KCNH7: variants seen among roughly 807,000 people sequenced by gnomAD.
KCNH7 encodes voltage-gated inwardly rectifying potassium channel KCNH7.
KCNH7 carries 49 observed loss-of-function variants against 120.8 expected under a neutral mutation model. The ratio of observed to expected loss-of-function variants is 0.41; its 90% CI spans 0.32 to 0.51. The LOEUF (loss-of-function observed/expected upper bound fraction) is 0.51. Ranked by LOEUF, KCNH7 falls within the 20% of genes least tolerant of loss-of-function variation. The pLI, the probability that KCNH7 is intolerant of heterozygous loss-of-function variation, is 0.38. For synonymous variants in KCNH7, 547 were observed against 516.1 expected (o/e 1.06, Z -0.81); for missense variants, 1,097 against 1,446.6 (o/e 0.76, Z 3.92).
chr2:162,605,638 C>T (rs1200371042), intron 2 of KCNH7, among the ~76,000 whole-genome samples: 1 of 152,090 alleles, frequency 6.6e-6, no homozygotes, highest in Admixed American at 6.6e-5. Flanking sequence ...GTTTTGATTT[C>T]TAGATGCCTG....
chr2:162,625,755 T>C (rs1683532024), intron 2 of KCNH7, among the ~76,000 whole-genome samples: 1 of 152,002 alleles, frequency 6.6e-6, no homozygotes, highest in Non-Finnish European at 1.5e-5. Context: ...ATAATTTACA[T>C]TGGAAAGGTA....
At chr2:162,455,526 T>C (rs749378907) in intron 6 of KCNH7, among the ~76,000 whole-genome samples, 6 of 152,176 alleles carry the variant, frequency 3.9e-5, no homozygotes, top group Non-Finnish European at 7.4e-5. Context: ...CAGCTCCTCT[T>C]TGTACCTCTG....
At chr2:162,530,869 G>A (rs1691899083) in intron 3 of KCNH7, among the ~76,000 whole-genome samples, 1 of 151,908 alleles carries the variant, frequency 6.6e-6, no homozygotes, top group Admixed American at 6.6e-5. Flanking sequence ...AGTCGAAATT[G>A]AGTAGTATCA....
chr2:162,739,077 G>T (rs1227170922), intron 2 of KCNH7, among the ~76,000 whole-genome samples: 1 of 152,054 alleles, frequency 6.6e-6, no homozygotes, highest in Non-Finnish European at 1.5e-5. Flanking sequence ...TGTCATTCAG[G>T]CCCTTCTGAA....
chr2:162,504,816 T>C (rs143145281), intron 5 of KCNH7, among the ~76,000 whole-genome samples, 159 bp from the exon 6 acceptor site: 23 of 152,080 alleles, frequency 1.5e-4, no homozygotes, highest in African/African-American at 4.8e-4. Flanking sequence ...TAGGGTCACC[T>C]TGGGCCACAT....
At chr2:162,618,024 C>T (rs1574176495) in intron 2 of KCNH7, among the ~76,000 whole-genome samples, 1 of 151,486 alleles carries the variant, frequency 6.6e-6, no homozygotes. Flanking sequence ...ATAATTAATA[C>T]AAAATTACAG....
chr2:162,631,443 A>G (rs910823424), intron 2 of KCNH7, among the ~76,000 whole-genome samples: 2 of 152,090 alleles, frequency 1.3e-5, no homozygotes, highest in Non-Finnish European at 2.9e-5. Flanking sequence ...ATGTATCTGA[A>G]CTGTTTCTTA....
At chr2:162,822,496 G>C (rs578182568) in intron 2 of KCNH7, among the ~76,000 whole-genome samples, 1 of 152,230 alleles carries the variant, frequency 6.6e-6, no homozygotes, top group Non-Finnish European at 1.5e-5. Context: ...TTTGGACCTA[G>C]GCAACATGAC....
chr2:162,690,192 A>G (rs1292802004), intron 2 of KCNH7, among the ~76,000 whole-genome samples: 1 of 152,138 alleles, frequency 6.6e-6, no homozygotes, highest in African/African-American at 2.4e-5. Flanking sequence ...GGATACTTGG[A>G]CACATAGAGG....
At chr2:162,505,495 AAGATAACTTGGCAAGGTGGCAAGACTCCT>A (rs1690841672) in intron 5 of KCNH7, among the ~76,000 whole-genome samples, 2 of 151,920 alleles carry the variant, frequency 1.3e-5, no homozygotes, top group Non-Finnish European at 2.9e-5. Flanking sequence ...CTTTCCTACA[AAGATAACTTGGCAAGGTGGCAAGACTCCT>A]GGTTTCTTTG....
chr2:162,413,357 C>A (rs1687448921), intron 9 of KCNH7, among the ~76,000 whole-genome samples: 1 of 152,080 alleles, frequency 6.6e-6, no homozygotes, highest in Non-Finnish European at 1.5e-5. Flanking sequence ...GAACTCCTGA[C>A]CTCAGGTGAT....
rs1463948315 is a variant in KCNH7, at chr2:162,371,811, G to A, written c.*18C>T. ...TAAAAGCACTTACATTGTATGTGGAGTAAATAGTACAAAATGATTATTTCC... is the reference window on the plus strand; with the variant it reads ...TAAAAGCACTTACATTGTATGTGGAATAAATAGTACAAAATGATTATTTCC... On this transcript the variant is annotated 3_prime_UTR_variant, in exon 16 of 16. Transcript: ENST00000332142. 5.6e-6 allele frequency: 9 copies of A among 1,598,994 alleles called. No homozygotes were observed. In the South Asian group the frequency reaches 7.7e-5, roughly 14 times the overall value.
chr2:162,820,946 A>C (rs1685098650), intron 2 of KCNH7, among the ~76,000 whole-genome samples: 1 of 152,176 alleles, frequency 6.6e-6, no homozygotes, highest in Non-Finnish European at 1.5e-5. Context: ...TTAGAATGTT[A>C]ATAACTTGCT....
chr2:162,502,037 T>C (rs1415375349), intron 6 of KCNH7: 2 of 152,058 alleles, frequency 1.3e-5, no homozygotes, highest in African/African-American at 4.8e-5. Flanking sequence ...TGTGAAAAGG[T>C]AGAAAAGTGT....
intron 2 of KCNH7, among the ~76,000 whole-genome samples, chr2:162,558,505 T>C (rs1317065740): frequency 2.5e-5 from 3 of 120,488 alleles, no homozygotes; most frequent in Admixed American, 1.1e-4. Context: ...CTCAATGGCT[T>C]TTTTTTTTTT....
chr2:162,667,601 C>T (rs1306248452), intron 2 of KCNH7, among the ~76,000 whole-genome samples: 5 of 152,124 alleles, frequency 3.3e-5, no homozygotes, highest in Non-Finnish European at 5.9e-5. Flanking sequence ...ACTGCTATTC[C>T]TTCTGTTTGG....
At chr2:162,423,658 G>A (rs1197530178) in intron 8 of KCNH7, 123 bp from the exon 9 acceptor site, 4 of 853,738 alleles carry the variant, frequency 4.7e-6, no homozygotes, top group South Asian at 2.1e-5. Context: ...ATTGGATCAC[G>A]GGGAAAAAAA....
At chr2:162,619,801 C>T (rs780335532) in intron 2 of KCNH7, among the ~76,000 whole-genome samples, 9 of 152,056 alleles carry the variant, frequency 5.9e-5, no homozygotes, top group Non-Finnish European at 1.3e-4. Context: ...TGCTCCAAAA[C>T]AGAAAGCTTG....
chr2:162,652,548 T>G (rs1186454078), intron 2 of KCNH7, among the ~76,000 whole-genome samples: 1 of 152,170 alleles, frequency 6.6e-6, no homozygotes, highest in Non-Finnish European at 1.5e-5. Flanking sequence ...CTGGATCCCT[T>G]ACATGTGCAG....
Sources: allele counts gnomAD v4.1 joint callset (sites outside exome capture counted in the v4.1 genomes callset), GRCh38; gene constraint gnomAD v4.1.1; transcripts MANE v1.5; gene names NCBI Gene and HGNC (gene_info 2026-07-23, HGNC 2026-07-21).